Variants in PRPF4 observed in about 807,000 individuals in gnomAD.
PRPF4 encodes pre-mRNA splicing tri-snRNP complex factor PRPF4, also known as U4/U6 small nuclear ribonucleoprotein Prp4.
In PRPF4, 14 loss-of-function variants were observed where a neutral mutation model predicts 72.2. The ratio of observed to expected loss-of-function variants is 0.19; its 90% CI spans 0.13 to 0.30. The LOEUF (loss-of-function observed/expected upper bound fraction) is 0.30. PRPF4 is among the 10% of genes least tolerant of loss of function. The pLI is 1.00. For synonymous variants in PRPF4, 225 were observed against 232.2 expected, an observed-to-expected ratio of 0.97 and a Z score of 0.28; for missense variants, 478 against 653.9, an observed-to-expected ratio of 0.73 and a Z score of 2.93.
At chr9:113,283,076 A>C (rs970487165) in intron 4 of PRPF4, 56 bp from the exon 5 acceptor site, 17 of 1,611,920 alleles carry the variant, frequency 1.1e-5, no homozygotes, top group African/African-American at 1.3e-5. Flanking sequence ...AATGACAGTT[A>C]TAAGAGGAGT....
intron 1 of PRPF4, among the ~76,000 whole-genome samples, 184 bp from the exon 2 acceptor site, chr9:113,276,364 A>G (rs2118580371): frequency 6.6e-6 from 1 of 152,328 alleles, no homozygotes; most frequent in East Asian, 1.9e-4. Context: ...TGAGGGACTG[A>G]AACACCCTCA....
chr9:113,278,910 A>G, intron 2 of PRPF4, 35 bp from the exon 3 acceptor site: 1 of 1,600,740 alleles, frequency 6.2e-7, no homozygotes, highest in Non-Finnish European at 8.6e-7. Context: ...TATTTGAAGA[A>G]GATCTGCTGA....
Position 113,283,209 on chromosome 9 carries a change from C to T in PRPF4, c.558C>T (p.Pro186=). The T allele has an allele frequency of 6.2e-7, 1 of 1,614,136 alleles. No homozygotes were observed. The highest frequency in any genetic ancestry group is 1.1e-5 in the South Asian group (1 of 91,078). ...ARLWIANYSL[P]RAMKRLEEAR... ...TATGGATTGCTAATTATTCGTTGCC[C>T]AGGTAAAGAGAGCCTCCAGTAGAAG... The change falls in exon 5 of 14, where the codon CCC becomes CCT. Residue 186 remains proline, a splice_region_variant and synonymous_variant. Transcript: ENST00000374198.
rs749395434 is a variant in PRPF4 at position 113,286,295 on chromosome 9, G to A, written c.808+5G>A. ...ACCTCCTTCACACTCTTCGAGGTAA[G>A]TTAGAGTCTTATCCAAATCTCGGTC... On this transcript the variant is annotated splice_donor_5th_base_variant and intron_variant, in intron 8 of 13. Coordinates refer to ENST00000374198, the MANE Select transcript of PRPF4 (RefSeq NM_001244926.2). 13 of 1,606,910 alleles carry A rather than the reference G, an allele frequency of 8.1e-6. No individual in the cohort carries two copies. Among genetic ancestry groups the A allele is most frequent in the Non-Finnish European group, 1.1e-5 (13 of 1,173,544 alleles).
chr9:113,275,892 G>T, intron 1 of PRPF4, 122 bp downstream of exon 1: 2 of 1,347,008 alleles, frequency 1.5e-6, no homozygotes, highest in South Asian at 2.7e-5. Context: ...GAAGGCTGCG[G>T]GACTCAGCGG....
chr9:113,275,862 G>T, intron 1 of PRPF4, 92 bp downstream of exon 1: 2 of 1,528,450 alleles, frequency 1.3e-6, no homozygotes, highest in Non-Finnish European at 8.9e-7. Flanking sequence ...AGCGGGAGAA[G>T]GCGGTGGAGG....
chr9:113,290,696 T>G lies in PRPF4; in HGVS notation c.1146-4T>G. On this transcript the variant is annotated splice_polypyrimidine_tract_variant and splice_region_variant and intron_variant, in intron 11 of 13. Transcript: ENST00000374198. ...AAGTGTTCATTTCTAAATTATTTTC[T>G]CAGGGGACTGGATGCATTTGGTCGA... is the stretch of plus-strand genomic sequence containing the variant. 1 of 1,614,184 alleles carries G rather than the reference T, an allele frequency of 6.2e-7. No homozygotes were observed. The highest frequency in any genetic ancestry group is 1.6e-4 in the Middle Eastern group (1 of 6,062).
intron 3 of PRPF4, among the ~76,000 whole-genome samples, chr9:113,282,328 G>A (rs954706517): frequency 5.9e-5 from 9 of 152,038 alleles, no homozygotes; most frequent in African/African-American, 1.9e-4. Context: ...TTAAAAATTA[G>A]CCAGTTGTAG....
At chr9:113,282,379 G>A (rs1832307443) in intron 3 of PRPF4, among the ~76,000 whole-genome samples, 1 of 152,068 alleles carries the variant, frequency 6.6e-6, no homozygotes, top group Non-Finnish European at 1.5e-5. Context: ...GGCTGGAGTG[G>A]GAGGATCGCT....
chr9:113,291,483 C>G lies in PRPF4; in HGVS notation c.1389C>G (p.Phe463Leu), dbSNP rs370712632. The change falls in exon 14 of 14, where the codon TTC (phenylalanine) becomes TTG (leucine). Residue 463 changes from phenylalanine (F) to leucine (L), a missense_variant. By Grantham distance (22) the Phe-to-Leu change is conservative. Coordinates refer to ENST00000374198, the MANE Select transcript of PRPF4 (RefSeq NM_001244926.2). ...GVKFEPIHGN[F>L]LLTGAYDNTA... ...CTCCTGTAGCTATCCATGGGAACTT[C>G]TTGCTTACTGGTGCCTATGATAACA... The G allele has an allele frequency of 7.4e-6, 12 of 1,613,620 alleles. No individual in the cohort carries two copies. The highest frequency in any genetic ancestry group is 5.0e-5 in the Admixed American group (3 of 59,992).
chr9:113,290,345 T>C (rs1832572154), intron 10 of PRPF4, 121 bp from the exon 11 acceptor site: 1 of 1,379,198 alleles, frequency 7.3e-7, no homozygotes, highest in African/African-American at 1.4e-5. Context: ...CCTGTTAATA[T>C]GGTTATATGA....
chr9:113,284,530 T>G, intron 7 of PRPF4, 141 bp downstream of exon 7: 1 of 702,604 alleles, frequency 1.4e-6, no homozygotes, highest in South Asian at 1.7e-5. Context: ...TGTCAGTCAG[T>G]GCTCTACCTG....
At position 113,288,275 on chromosome 9, in the gene PRPF4, C is replaced by T. The variant is rs747981213; in HGVS notation, c.1022+11C>T. On this transcript the variant is annotated intron_variant, in intron 10 of 13. Coordinates refer to ENST00000374198, the MANE Select transcript of PRPF4 (RefSeq NM_001244926.2). The stretch of plus-strand genomic sequence containing the variant: ...CCTGGGCACCACCTGGTGAGCCATC[C>T]TGTTATTGTTTTATCCATATAGGCC... 29 of 1,613,112 alleles carry T rather than the reference C, an allele frequency of 1.8e-5. No homozygotes were observed. In the East Asian group the frequency reaches 4.2e-4, roughly 24 times the overall value.
At chr9:113,283,588 C>T in intron 6 of PRPF4, 106 bp downstream of exon 6, 1 of 1,105,726 alleles carries the variant, frequency 9.0e-7, no homozygotes, top group Non-Finnish European at 1.3e-6. Context: ...TAGAGTGATT[C>T]CTCCCTGCTT....
chr9:113,281,431 G>A (rs896281889), intron 3 of PRPF4, among the ~76,000 whole-genome samples: 3 of 151,996 alleles, frequency 2.0e-5, no homozygotes, highest in Non-Finnish European at 2.9e-5. Context: ...TTCAGTCCAC[G>A]GTTGTGACTC....
At chr9:113,286,130 T>C (rs1832443217) in intron 7 of PRPF4, 102 bp from the exon 8 acceptor site, 1 of 1,323,258 alleles carries the variant, frequency 7.6e-7, no homozygotes, top group Non-Finnish European at 1.1e-6. Flanking sequence ...CATTGTAAAG[T>C]TTATTGGGGG....
rs1428331999 is a variant in PRPF4 at position 113,286,957 on chromosome 9, C to G, written c.932+129C>G. 4 of 1,341,948 alleles carry G rather than the reference C, an allele frequency of 3.0e-6. No homozygotes were observed. In the South Asian group the frequency reaches 5.2e-5, roughly 17 times the overall value. 83.1% of individuals were successfully genotyped at this position (1,341,948 alleles called of 1,614,324 possible). On this transcript the variant is annotated intron_variant, in intron 9 of 13. Transcript: ENST00000374198. ...AGTGGCTCACACCTTAAGGCTGAGG[C>G]AGGAGAATTGCTTAAACCCGGGAAA...
chr9:113,279,256 T>TG (rs1832199383), intron 3 of PRPF4, 125 bp downstream of exon 3: 1 of 886,002 alleles, frequency 1.1e-6, no homozygotes, highest in South Asian at 1.9e-5. Context: ...TATCTTACTG[T>TG]GTTTATATGA....
intron 3 of PRPF4, among the ~76,000 whole-genome samples, chr9:113,280,176 C>T (rs1832233777): frequency 6.6e-6 from 1 of 152,104 alleles, no homozygotes; most frequent in Non-Finnish European, 1.5e-5. Context: ...TGAAATACTC[C>T]CTCCTTGAAC....
Sources: gnomAD v4.1 joint callset for allele counts (sites outside exome capture counted in the v4.1 genomes callset) on GRCh38, gnomAD v4.1.1 for gene constraint, MANE v1.5 for transcripts, NCBI Gene and HGNC (gene_info 2026-07-23, HGNC 2026-07-21) for gene names.